UBE2E2: variants seen among roughly 807,000 people sequenced by gnomAD.
UBE2E2 encodes the protein ubiquitin-conjugating enzyme E2 E2.
In UBE2E2, 6 loss-of-function variants were observed where a neutral mutation model predicts 24.7. That is an observed-to-expected ratio of 0.24 (90% CI 0.13 to 0.48). The LOEUF (loss-of-function observed/expected upper bound fraction) is 0.48. UBE2E2 is among the 20% of genes least tolerant of loss of function. The pLI, the probability that UBE2E2 is intolerant of heterozygous loss-of-function variation, is 0.99. For synonymous variants in UBE2E2, 104 were observed against 83.6 expected, an observed-to-expected ratio of 1.24 and a Z score of -1.33; for missense variants, 169 against 245.0, an observed-to-expected ratio of 0.69 and a Z score of 2.07.
intron 3 of UBE2E2, among the ~76,000 whole-genome samples, chr3:23,367,337 T>A (rs1238435621): frequency 6.6e-6 from 1 of 152,104 alleles, no homozygotes; most frequent in Non-Finnish European, 1.5e-5. Context: ...GGTAGCTTCA[T>A]GATGGGGGCT....
chr3:23,354,583 C>G (rs1695879088), intron 3 of UBE2E2, among the ~76,000 whole-genome samples: 1 of 152,188 alleles, frequency 6.6e-6, no homozygotes, highest in Non-Finnish European at 1.5e-5. Flanking sequence ...TGAACAGACA[C>G]TTCTCAAAAG....
At chr3:23,388,943 A>G (rs13059155) in intron 3 of UBE2E2, among the ~76,000 whole-genome samples, 10,810 of 150,956 alleles carry the variant, frequency 0.072, 500 homozygotes, top group Non-Finnish European at 0.088. Context: ...TGGAGGTTGC[A>G]GTGAGCCAAG....
chr3:23,534,483 A>G (rs542833019), intron 5 of UBE2E2, among the ~76,000 whole-genome samples: 2 of 152,356 alleles, frequency 1.3e-5, no homozygotes, highest in East Asian at 3.9e-4. Flanking sequence ...AATGTTCCAT[A>G]AAACCAAAGA....
At chr3:23,276,141 G>C (rs1451518572) in intron 3 of UBE2E2, among the ~76,000 whole-genome samples, 1 of 152,006 alleles carries the variant, frequency 6.6e-6, no homozygotes, top group Non-Finnish European at 1.5e-5. Context: ...ACACAGATTG[G>C]TTGTTGGAGA....
chr3:23,254,828 G>A (rs972740144), intron 3 of UBE2E2, among the ~76,000 whole-genome samples: 2 of 152,100 alleles, frequency 1.3e-5, no homozygotes, highest in Non-Finnish European at 2.9e-5. Flanking sequence ...AGCTGGAAAG[G>A]CAGGGTGTGG....
intron 3 of UBE2E2, among the ~76,000 whole-genome samples, chr3:23,492,773 A>G (rs7636705): frequency 0.25 from 37,334 of 151,988 alleles, 4,932 homozygotes; most frequent in African/African-American, 0.35. Flanking sequence ...TAATAATACC[A>G]TTAAACCTCC....
intron 3 of UBE2E2, among the ~76,000 whole-genome samples, chr3:23,385,110 C>A (rs1399586217): frequency 1.3e-5 from 2 of 152,112 alleles, no homozygotes; most frequent in Non-Finnish European, 2.9e-5. Flanking sequence ...AAAAATACTT[C>A]TAATGATGGT....
intron 3 of UBE2E2, among the ~76,000 whole-genome samples, chr3:23,239,440 C>T (rs2172827): frequency 0.34 from 51,193 of 151,856 alleles, 8,878 homozygotes; most frequent in South Asian, 0.4. Flanking sequence ...TCCATTCCCC[C>T]CTCCCCCCCA....
chr3:23,503,101 A>G (rs894802501), intron 4 of UBE2E2, among the ~76,000 whole-genome samples: 1 of 150,886 alleles, frequency 6.6e-6, no homozygotes, highest in Non-Finnish European at 1.5e-5. Context: ...ATATGTTTTA[A>G]TGTTTTCATT....
At chr3:23,314,023 A>T (rs1694497981) in intron 3 of UBE2E2, among the ~76,000 whole-genome samples, 1 of 152,220 alleles carries the variant, frequency 6.6e-6, no homozygotes, top group African/African-American at 2.4e-5. Context: ...ACAAGCAAAC[A>T]AAAAGGAAAC....
At chr3:23,476,827 C>T (rs890842334) in intron 3 of UBE2E2, among the ~76,000 whole-genome samples, 3 of 152,136 alleles carry the variant, frequency 2.0e-5, no homozygotes, top group African/African-American at 7.3e-5. Context: ...CGAGTTACTG[C>T]TTCCAATATC....
intron 3 of UBE2E2, among the ~76,000 whole-genome samples, chr3:23,468,021 A>G (rs576629289): frequency 4.6e-5 from 7 of 152,310 alleles, no homozygotes; most frequent in African/African-American, 1.7e-4. Context: ...CCCTCCTCCA[A>G]CACTGAGGAT....
chr3:23,466,181 C>T (rs987364525), intron 3 of UBE2E2, among the ~76,000 whole-genome samples: 1 of 152,108 alleles, frequency 6.6e-6, no homozygotes, highest in Non-Finnish European at 1.5e-5. Context: ...CACACCAAAG[C>T]CATGACTTCA....
intron 3 of UBE2E2, among the ~76,000 whole-genome samples, chr3:23,320,447 T>C (rs1372970535): frequency 6.6e-6 from 1 of 152,232 alleles, no homozygotes; most frequent in Non-Finnish European, 1.5e-5. Flanking sequence ...AGTTGGTACA[T>C]GCACAGAGGT....
intron 3 of UBE2E2, among the ~76,000 whole-genome samples, chr3:23,388,842 TAA>T (rs34760619): frequency 0.072 from 10,941 of 151,688 alleles, 508 homozygotes; most frequent in Non-Finnish European, 0.088. Flanking sequence ...CCGTCTCTAC[TAA>T]AAATACAAAA....
intron 3 of UBE2E2, among the ~76,000 whole-genome samples, chr3:23,351,318 ACT>A (rs1474514096): frequency 6.6e-6 from 1 of 152,164 alleles, no homozygotes; most frequent in East Asian, 1.9e-4. Context: ...CTAGGAAGAA[ACT>A]CCATCAACTA....
intron 3 of UBE2E2, among the ~76,000 whole-genome samples, chr3:23,466,518 T>C (rs543351341): frequency 4.0e-4 from 61 of 152,378 alleles, no homozygotes; most frequent in Middle Eastern, 6.8e-3. Context: ...AACAGCCTTA[T>C]TCCTTCAAAA....
intron 3 of UBE2E2, among the ~76,000 whole-genome samples, chr3:23,362,309 G>T (rs1260194551): frequency 6.6e-6 from 1 of 152,156 alleles, no homozygotes; most frequent in Non-Finnish European, 1.5e-5. Context: ...CTTCCTGGGG[G>T]AGCACATCCC....
intron 3 of UBE2E2, among the ~76,000 whole-genome samples, chr3:23,230,078 T>C (rs1369178210): frequency 6.6e-6 from 1 of 152,216 alleles, no homozygotes; most frequent in Non-Finnish European, 1.5e-5. Context: ...GTAGTATATA[T>C]TTATTTATCT....
Sources: allele counts gnomAD v4.1 joint callset (sites outside exome capture counted in the v4.1 genomes callset), GRCh38; gene constraint gnomAD v4.1.1; transcripts MANE v1.5; gene names NCBI Gene and HGNC (gene_info 2026-07-23, HGNC 2026-07-21).